The following ARID1B variants were observed in gnomAD, a reference collection of about 807,000 sequenced individuals.
ARID1B encodes AT-rich interaction domain 1B.
A neutral mutation model predicts 212.3 loss-of-function variants in ARID1B; 30 were observed. That is an observed-to-expected ratio of 0.14 (90% CI 0.11 to 0.19). The LOEUF is 0.19. ARID1B is among the 10% of genes least tolerant of loss of function. The pLI, the probability that ARID1B is intolerant of heterozygous loss-of-function variation, is 1.00. For synonymous variants in ARID1B, 1,402 were observed against 1,301.7 expected (o/e 1.08, Z -1.66); for missense variants, 2,891 against 3,204.0 (o/e 0.90, Z 2.36).
intron 8 of ARID1B, among the ~76,000 whole-genome samples, chr6:157,164,332 T>C (rs1468208699): frequency 6.6e-6 from 1 of 152,254 alleles, no homozygotes; most frequent in Non-Finnish European, 1.5e-5. Context: ...GCCTTCATCA[T>C]CTTCTGGTGA....
At chr6:157,032,833 T>A (rs542664437) in intron 4 of ARID1B, among the ~76,000 whole-genome samples, 188 of 152,098 alleles carry the variant, frequency 1.2e-3, no homozygotes, top group African/African-American at 4.2e-3. Context: ...CCACCTTTTT[T>A]AAAAAAAACT....
chr6:156,982,304 T>G (rs755046602), intron 4 of ARID1B, among the ~76,000 whole-genome samples: 3 of 152,198 alleles, frequency 2.0e-5, no homozygotes, highest in Non-Finnish European at 4.4e-5. Context: ...TTCTGATGTT[T>G]CCTGTTGCTG....
intron 19 of ARID1B, chr6:157,204,264 T>C (rs1794300023): frequency 7.0e-6 from 2 of 285,032 alleles, no homozygotes; most frequent in Non-Finnish European, 1.3e-5. Flanking sequence ...TAGATGACAG[T>C]AGTAACATTA....
At chr6:156,927,793 C>G (rs969386206) in intron 3 of ARID1B, among the ~76,000 whole-genome samples, 9 of 152,204 alleles carry the variant, frequency 5.9e-5, no homozygotes, top group African/African-American at 2.2e-4. Flanking sequence ...AGAAACCATT[C>G]AGTCATTCAC....
At chr6:157,123,862 G>A (rs1371016865) in intron 6 of ARID1B, among the ~76,000 whole-genome samples, 1 of 152,234 alleles carries the variant, frequency 6.6e-6, no homozygotes, top group Non-Finnish European at 1.5e-5. Flanking sequence ...TTCAGAAAAG[G>A]AAAGTGATGC....
chr6:156,886,637 C>A (rs1207745877), intron 2 of ARID1B, among the ~76,000 whole-genome samples: 1 of 152,178 alleles, frequency 6.6e-6, no homozygotes, highest in Non-Finnish European at 1.5e-5. Context: ...CCGTTTGTGA[C>A]TACTGGGTGA....
At chr6:156,934,550 C>T (rs1335140572) in intron 3 of ARID1B, among the ~76,000 whole-genome samples, 1 of 151,990 alleles carries the variant, frequency 6.6e-6, no homozygotes, top group Non-Finnish European at 1.5e-5. Context: ...AAACTATGCC[C>T]CATGAACATA....
Position 156,778,413 on chromosome 6 carries a change from G to C in ARID1B, c.733G>C (p.Ala245Pro), listed in dbSNP as rs1302581812. Residue 245 changes from alanine to proline, a missense_variant, in exon 1 of 20, where the codon GCC (alanine) becomes CCC (proline). Coordinates refer to ENST00000636930, the MANE Select transcript of ARID1B (RefSeq NM_001374828.1). ...CATGGAGCAGCCGCAACATGGAGGCGCCAAGGACAGTGCTGCGGGCGGCCA... is the reference window on the plus strand; with the variant it reads ...CATGGAGCAGCCGCAACATGGAGGCCCCAAGGACAGTGCTGCGGGCGGCCA... ...PDMEQPQHGG[A>P]KDSAAGGQAD... 6.5e-7 allele frequency: 1 copy of C among 1,532,110 alleles called. No homozygotes were observed. Among genetic ancestry groups the C allele is most frequent in the Non-Finnish European group, 8.7e-7 (1 of 1,144,290 alleles). 94.9% of individuals were successfully genotyped at this position (1,532,110 alleles called of 1,614,324 possible).
In ARID1B at chr6:156,904,098, G is replaced by A. The variant is rs377253156; in HGVS notation, c.2136+2573G>A. On this transcript the variant is annotated intron_variant, in intron 3 of 19. Transcript: ENST00000636930. ...TCCCTCTGCCCATGTCACCACCCCC[G>A]TTCTTGACTGGATAACCATTTATAG... Among the ~76,000 whole-genome samples, 51 of 152,190 alleles carry A rather than the reference G, an allele frequency of 3.4e-4. No individual in the cohort carries two copies. In the South Asian group the frequency reaches 9.6e-3, roughly 29 times the overall value.
At chr6:157,036,969 A>C (rs897537189) in intron 4 of ARID1B, 5 of 414,768 alleles carry the variant, frequency 1.2e-5, no homozygotes, top group African/African-American at 2.1e-5. Flanking sequence ...TTTTTTTTTT[A>C]ATCATAATCA....
At chr6:157,101,671 C>T (rs1360871407) in intron 5 of ARID1B, among the ~76,000 whole-genome samples, 1 of 151,554 alleles carries the variant, frequency 6.6e-6, no homozygotes, top group Non-Finnish European at 1.5e-5. Context: ...TTGGTACATT[C>T]AAGCTATCTC....
intron 4 of ARID1B, among the ~76,000 whole-genome samples, chr6:156,962,126 C>T (rs964255830): frequency 1.3e-5 from 2 of 152,014 alleles, no homozygotes; most frequent in Non-Finnish European, 2.9e-5. Flanking sequence ...GGTGAAACCT[C>T]GTCTCTACTA....
chr6:156,882,217 C>T lies in ARID1B; in HGVS notation c.1987-19159C>T, dbSNP rs78387653. Among the ~76,000 whole-genome samples, 574 of 152,216 alleles carry T rather than the reference C, an allele frequency of 3.8e-3. 4 individuals are homozygous for T. Among genetic ancestry groups the T allele is most frequent in the African/African-American group, 0.013 (536 of 41,526 alleles). Reference sequence around the variant, plus strand: ...GAGTCCTCCCTCTCAGCCTTGGTCCCGGTGGAGCAGCAATTCCCATGTTCT... The same window carrying T: ...GAGTCCTCCCTCTCAGCCTTGGTCCTGGTGGAGCAGCAATTCCCATGTTCT... On this transcript the variant is annotated intron_variant, in intron 2 of 19. Coordinates refer to ENST00000636930, the MANE Select transcript of ARID1B (RefSeq NM_001374828.1).
rs1244986458 is a variant in ARID1B, at chr6:156,955,212, A to G, written c.2247+19636A>G. Among the ~76,000 whole-genome samples the G allele has an allele frequency of 6.6e-6, 1 of 152,200 alleles. No individual in the cohort carries two copies. The highest frequency in any genetic ancestry group is 1.5e-5 in the Non-Finnish European group (1 of 68,032). On this transcript the variant is annotated intron_variant, in intron 4 of 19. Coordinates refer to ENST00000636930, the MANE Select transcript of ARID1B (RefSeq NM_001374828.1). The surrounding 1 kb of genome is among the most constrained non-coding windows in gnomAD (Gnocchi z 4.2). ...TCTGGCATCTGTTGTATTTAGTGTAATTCCTACCTTTGTGTCCCCTCTGAA... is the reference window on the plus strand; with the variant it reads ...TCTGGCATCTGTTGTATTTAGTGTAGTTCCTACCTTTGTGTCCCCTCTGAA...
intron 8 of ARID1B, among the ~76,000 whole-genome samples, chr6:157,158,989 C>T (rs112903371): frequency 2.6e-5 from 4 of 152,114 alleles, no homozygotes; most frequent in African/African-American, 9.7e-5. Context: ...TACATCTTCT[C>T]AGAGGTCAGT....
intron 2 of ARID1B, among the ~76,000 whole-genome samples, chr6:156,866,187 G>A (rs1274034115): frequency 2.0e-5 from 3 of 152,180 alleles, no homozygotes; most frequent in Admixed American, 6.5e-5. Context: ...TGATTGTGCT[G>A]GGGGATTCTG....
intron 6 of ARID1B, among the ~76,000 whole-genome samples, chr6:157,132,517 T>G (rs946626458): frequency 3.9e-5 from 6 of 152,140 alleles, no homozygotes; most frequent in African/African-American, 1.4e-4. Context: ...GGTTACTGCT[T>G]GAGGACACCA....
intron 4 of ARID1B, among the ~76,000 whole-genome samples, chr6:156,948,627 C>T (rs1280979511): frequency 1.3e-5 from 2 of 152,158 alleles, no homozygotes; most frequent in Non-Finnish European, 2.9e-5. Flanking sequence ...CTTGTCTTTT[C>T]CACATCTCAA....
chr6:156,863,222 A>T (rs576842759), intron 2 of ARID1B, among the ~76,000 whole-genome samples: 1 of 152,332 alleles, frequency 6.6e-6, no homozygotes, highest in East Asian at 1.9e-4. Flanking sequence ...CAAAGACCAG[A>T]ATAAGATGGG....
Sources: allele counts gnomAD v4.1 joint callset (sites outside exome capture counted in the v4.1 genomes callset), GRCh38; gene constraint gnomAD v4.1.1; non-coding constraint Gnocchi (gnomAD v3.1); transcripts MANE v1.5; gene names NCBI Gene and HGNC (gene_info 2026-07-23, HGNC 2026-07-21).